KYNU: variants seen among roughly 807,000 people sequenced by gnomAD.
The protein encoded by KYNU is L-kynurenine hydrolase.
Under a neutral mutation model 59.2 loss-of-function variants are expected in KYNU, and 54 were observed. The ratio of observed to expected loss-of-function variants is 0.91; its 90% confidence interval spans 0.73 to 1.14. KYNU has a LOEUF of 1.14. Ranked by LOEUF, KYNU falls within the 50% of genes most tolerant of loss-of-function variation. The pLI is 0.00. For missense variants in KYNU, 567 were observed against 554.4 expected, an observed-to-expected ratio of 1.02 and a Z score of -0.23; for synonymous variants, 177 against 192.0, an observed-to-expected ratio of 0.92 and a Z score of 0.65.
chr2:143,012,771 A>G (rs1686146707), intron 10 of KYNU, among the ~76,000 whole-genome samples: 1 of 152,070 alleles, frequency 6.6e-6, no homozygotes, highest in South Asian at 2.1e-4. Flanking sequence ...TACTACCCAT[A>G]GTCCTCATGC....
intron 2 of KYNU, among the ~76,000 whole-genome samples, chr2:142,910,583 TCCCAC>T (rs1682450129): frequency 1.3e-5 from 2 of 152,160 alleles, no homozygotes; most frequent in African/African-American, 4.8e-5. Flanking sequence ...TTTAATTAGG[TCCCAC>T]TTGTCAGTTT....
At chr2:142,896,582 C>T (rs571432765) in intron 2 of KYNU, among the ~76,000 whole-genome samples, 17 of 151,754 alleles carry the variant, frequency 1.1e-4, no homozygotes, top group African/African-American at 3.9e-4. Flanking sequence ...AGTCTTGTTT[C>T]GTTAGCCAGG....
In KYNU at chr2:142,987,957, C is replaced by A. The variant is rs116217058; in HGVS notation, c.902+1936C>A. Among the ~76,000 whole-genome samples the A allele has an allele frequency of 2.8e-3, 427 of 151,982 alleles. 3 individuals are homozygous for A. Among genetic ancestry groups the A allele is most frequent in the African/African-American group, 9.6e-3 (400 of 41,494 alleles). On this transcript the variant is annotated intron_variant, in intron 10 of 13. Coordinates refer to ENST00000264170, the MANE Select transcript of KYNU (RefSeq NM_003937.3). ...TGGCCATGAAAGATGTTCCTGCCTC[C>A]CCCTTCACCCTCTGCCATGGTTGTA...
chr2:142,902,866 C>A (rs966132034), intron 2 of KYNU, among the ~76,000 whole-genome samples: 1 of 152,124 alleles, frequency 6.6e-6, no homozygotes, highest in Non-Finnish European at 1.5e-5. Context: ...GTAAAACAGT[C>A]CAGGTGAGTT....
At position 142,915,121 on chromosome 2, in the gene KYNU, G is replaced by A. The variant is rs79755014; in HGVS notation, c.170-3488G>A. Among the ~76,000 whole-genome samples the A allele has an allele frequency of 8.3e-3, 1,255 of 151,878 alleles. 23 individuals carry two copies. The highest frequency in any genetic ancestry group is 0.029 in the African/African-American group (1,192 of 41,162). ...CTGAGAAGTCTGCTTGTTGAGTTGT[G>A]GTAATTTTTGCATAAATATTCTAGA... is the stretch of plus-strand genomic sequence containing the variant. On this transcript the variant is annotated intron_variant, in intron 2 of 13. Coordinates refer to ENST00000264170, the MANE Select transcript of KYNU (RefSeq NM_003937.3).
chr2:142,885,032 T>G lies in KYNU; in HGVS notation c.-19-317T>G, dbSNP rs555825776. ...GGTGGGCGGATCACTTGAGCCATTT[T>G]TTGTATTTTTTTAGTAGAGATGAGG... On this transcript the variant is annotated intron_variant, in intron 1 of 13. Transcript: ENST00000264170. Among the ~76,000 whole-genome samples, 37 of 134,034 alleles carry G rather than the reference T, an allele frequency of 2.8e-4. No individual in the cohort carries two copies. The South Asian group carries it at 3.2e-3, about 12-fold the overall frequency. 87.9% of individuals were successfully genotyped at this position (134,034 alleles called of 152,430 possible).
intron 10 of KYNU, among the ~76,000 whole-genome samples, chr2:143,018,703 G>A (rs1686328097): frequency 6.6e-6 from 1 of 152,054 alleles, no homozygotes; most frequent in Non-Finnish European, 1.5e-5. Flanking sequence ...ATATAGGAAT[G>A]GTGTTGAATC....
Position 143,052,712 on chromosome 2 carries a change from T to C in KYNU, c.*10540T>C, listed in dbSNP as rs1158842450. The C allele has an allele frequency of 6.6e-6, 1 of 152,234 alleles. No homozygotes were observed. The highest frequency in any genetic ancestry group is 1.9e-4 in the East Asian group (1 of 5,198). The allele number at this position is 152,234 out of a possible 1,614,324, so 9.4% of individuals were successfully genotyped here. The stretch of plus-strand genomic sequence containing the variant: ...ACTTACACCAAGATTTCAGAGGATG[T>C]ATGGAAATGCCTGGATGCCCAGGCA... On this transcript the variant is annotated 3_prime_UTR_variant, in exon 14 of 14. Transcript: ENST00000264170.
chr2:142,972,855 G>A (rs1032584333), intron 8 of KYNU, among the ~76,000 whole-genome samples: 2 of 147,690 alleles, frequency 1.4e-5, no homozygotes, highest in Admixed American at 6.8e-5. Context: ...CTACAGAGAT[G>A]AGGTCTCTCT....
intron 8 of KYNU, among the ~76,000 whole-genome samples, chr2:142,969,764 T>G (rs939942874): frequency 6.6e-6 from 1 of 152,218 alleles, no homozygotes; most frequent in Non-Finnish European, 1.5e-5. Context: ...CTATTTCTCC[T>G]GAATTAGCCT....
chr2:142,889,092 C>A (rs148376768), intron 2 of KYNU, among the ~76,000 whole-genome samples: 77 of 151,638 alleles, frequency 5.1e-4, no homozygotes, highest in African/African-American at 1.8e-3. Context: ...ACAGAGGTAC[C>A]AACTCAGGAG....
intron 4 of KYNU, among the ~76,000 whole-genome samples, chr2:142,933,148 A>T (rs1017998160): frequency 6.6e-6 from 1 of 152,214 alleles, no homozygotes; most frequent in Non-Finnish European, 1.5e-5. Flanking sequence ...TTAGGACAGC[A>T]GCTGCCGCCA....
At position 143,043,480 on chromosome 2, in the gene KYNU, G is replaced by A. The variant is rs569451886; in HGVS notation, c.*1308G>A. On this transcript the variant is annotated 3_prime_UTR_variant, in exon 14 of 14. Transcript: ENST00000264170. ...ATAAACAAACTTAGATAAACACTTC[G>A]GATGGTAGACGTAAACAATAATATG... The A allele has an allele frequency of 1.8e-3, 279 of 151,820 alleles. 2 individuals are homozygous for A. Among genetic ancestry groups the A allele is most frequent in the African/African-American group, 6.5e-3 (269 of 41,468 alleles). 9.4% of individuals were successfully genotyped at this position (151,820 alleles called of 1,614,324 possible). A position where few individuals can be genotyped will look rare whatever the true frequency, so the allele number is the denominator to read the frequency against.
intron 2 of KYNU, among the ~76,000 whole-genome samples, chr2:142,907,241 G>T (rs1682330381): frequency 6.6e-6 from 1 of 152,142 alleles, no homozygotes; most frequent in Non-Finnish European, 1.5e-5. Context: ...TGGGCTTCTT[G>T]GCCTCACAGA....
chr2:142,952,585 T>A (rs933756111), intron 4 of KYNU, among the ~76,000 whole-genome samples: 2 of 152,042 alleles, frequency 1.3e-5, no homozygotes, highest in Admixed American at 1.3e-4. Flanking sequence ...TATAGGAGCA[T>A]GCCACTACAC....
intron 10 of KYNU, among the ~76,000 whole-genome samples, chr2:142,987,207 T>A (rs938065400): frequency 6.6e-6 from 1 of 151,898 alleles, no homozygotes; most frequent in Non-Finnish European, 1.5e-5. Context: ...TTTTGTATGA[T>A]GACTCACAAC....
At position 142,888,844 on chromosome 2, in the gene KYNU, T is replaced by A. The variant is rs916940165; in HGVS notation, c.169+3308T>A. 8.0e-5 allele frequency among the ~76,000 whole-genome samples: 12 copies of A among 149,218 alleles called. No individual in the cohort carries two copies. The Admixed American group carries it at 8.1e-4, about 10-fold the overall frequency. On this transcript the variant is annotated intron_variant, in intron 2 of 13. Coordinates refer to ENST00000264170, the MANE Select transcript of KYNU (RefSeq NM_003937.3). ...TTCAGAGAACCAAAGAGCAAAGCTG[T>A]CGCATACTTGAACGTGTATCTAGTA...
At chr2:142,939,602 CAAAA>C (rs71301737) in intron 4 of KYNU, among the ~76,000 whole-genome samples, 4 of 65,106 alleles carry the variant, frequency 6.1e-5, no homozygotes, top group African/African-American at 1.2e-4. Context: ...CTCCATCTCA[CAAAA>C]AAAAAAAAAA....
chr2:142,992,052 A>G (rs1240573871), intron 10 of KYNU, among the ~76,000 whole-genome samples: 1 of 151,946 alleles, frequency 6.6e-6, no homozygotes, highest in Non-Finnish European at 1.5e-5. Flanking sequence ...ATATAATATC[A>G]TAAATATCAG....
Sources: allele counts gnomAD v4.1 joint callset (sites outside exome capture counted in the v4.1 genomes callset), GRCh38; gene constraint gnomAD v4.1.1; transcripts MANE v1.5; gene names NCBI Gene and HGNC (gene_info 2026-07-23, HGNC 2026-07-21).